The following WDR7 variants were observed in gnomAD, a reference collection of about 807,000 sequenced individuals.
The protein encoded by WDR7 is WD repeat-containing protein 7.
Under a neutral mutation model 169.4 loss-of-function variants are expected in WDR7, and 46 were observed. That is an observed-to-expected ratio of 0.27 (90% confidence interval 0.21 to 0.35). The LOEUF is 0.35. Ranked by LOEUF, WDR7 falls within the 10% of genes least tolerant of loss-of-function variation. The pLI is 1.00. For missense variants in WDR7, 1,534 were observed against 1,859.3 expected, an observed-to-expected ratio of 0.83 and a Z score of 3.22; for synonymous variants, 612 against 666.8, an observed-to-expected ratio of 0.92 and a Z score of 1.27.
chr18:56,868,163 G>A (rs543515557), intron 20 of WDR7, among the ~76,000 whole-genome samples: 1 of 152,122 alleles, frequency 6.6e-6, no homozygotes, highest in African/African-American at 2.4e-5. Context: ...AAAATAAGGT[G>A]ATCATTTTTC....
chr18:56,825,194 C>T (rs970671753), intron 20 of WDR7, among the ~76,000 whole-genome samples: 1 of 152,180 alleles, frequency 6.6e-6, no homozygotes, highest in African/African-American at 2.4e-5. Flanking sequence ...TCAACTGTTG[C>T]CTTGGCACCA....
chr18:56,889,600 A>T (rs1444323549), intron 21 of WDR7, among the ~76,000 whole-genome samples: 1 of 152,230 alleles, frequency 6.6e-6, no homozygotes, highest in Non-Finnish European at 1.5e-5. Flanking sequence ...TTGAGGGCAT[A>T]GGTTAAATTT....
chr18:56,955,199 A>G (rs938527683), intron 25 of WDR7, among the ~76,000 whole-genome samples: 2 of 152,148 alleles, frequency 1.3e-5, no homozygotes, highest in African/African-American at 4.8e-5. Flanking sequence ...ATAATTATAG[A>G]TGTTACTTCT....
chr18:56,776,118 C>T (rs1425141461), intron 16 of WDR7, among the ~76,000 whole-genome samples: 2 of 151,276 alleles, frequency 1.3e-5, no homozygotes, highest in Non-Finnish European at 2.9e-5. Flanking sequence ...TGAATTGGTA[C>T]CTCTATAAGA....
chr18:56,716,224 A>G (rs937534402), intron 12 of WDR7, among the ~76,000 whole-genome samples: 1 of 152,182 alleles, frequency 6.6e-6, no homozygotes, highest in Non-Finnish European at 1.5e-5. Context: ...ATCACATTTC[A>G]TGTTTCAACT....
intron 2 of WDR7, 111 bp from the exon 3 acceptor site, chr18:56,679,221 A>G (rs1173518426): frequency 5.0e-6 from 4 of 803,310 alleles, no homozygotes; most frequent in East Asian, 2.9e-5. Flanking sequence ...CTAGAATAAA[A>G]AATCTTAGCA....
intron 20 of WDR7, among the ~76,000 whole-genome samples, chr18:56,849,274 G>A (rs1306559624): frequency 6.6e-6 from 1 of 152,096 alleles, no homozygotes; most frequent in Non-Finnish European, 1.5e-5. Flanking sequence ...GACTAAATTA[G>A]GACTCCTTGG....
intron 21 of WDR7, among the ~76,000 whole-genome samples, chr18:56,903,261 A>T (rs1339682910): frequency 2.0e-5 from 3 of 152,122 alleles, no homozygotes; most frequent in African/African-American, 7.2e-5. Flanking sequence ...AATTCCATGA[A>T]TGAAGTTGTA....
At position 56,808,674 on chromosome 18, in the gene WDR7, T is replaced by C. The variant is rs2044817323; in HGVS notation, c.3191-7357T>C. On this transcript the variant is annotated intron_variant, in intron 19 of 27. Transcript: ENST00000254442. ...GACACTGTAGTCTTGTGAGTTCATGTTATTTATTATTACTCAGATATTGTT... is the reference window on the plus strand; with the variant it reads ...GACACTGTAGTCTTGTGAGTTCATGCTATTTATTATTACTCAGATATTGTT... Among the ~76,000 whole-genome samples, 4 of 152,092 alleles carry C rather than the reference T, an allele frequency of 2.6e-5. No homozygotes were observed. In the South Asian group the frequency reaches 8.3e-4, roughly 31 times the overall value.
intron 21 of WDR7, among the ~76,000 whole-genome samples, chr18:56,896,660 C>T (rs2046336254): frequency 6.6e-6 from 1 of 151,702 alleles, no homozygotes; most frequent in Non-Finnish European, 1.5e-5. Flanking sequence ...GAAATTGGAT[C>T]ACCTAATGCC....
At chr18:56,691,092 T>A in intron 7 of WDR7, 124 bp from the exon 8 acceptor site, 2 of 1,351,864 alleles carry the variant, frequency 1.5e-6, no homozygotes, top group Non-Finnish European at 2.0e-6. Flanking sequence ...ACTTTCTTTA[T>A]CTGATGCAGC....
chr18:56,681,778 A>G (rs1252052978), intron 4 of WDR7, among the ~76,000 whole-genome samples: 1 of 152,204 alleles, frequency 6.6e-6, no homozygotes, highest in Non-Finnish European at 1.5e-5. Flanking sequence ...TTTGGACCAT[A>G]TCTTTTTTAT....
In WDR7 at chr18:56,991,336, C is replaced by CG. The variant is rs756534728; in HGVS notation, c.4164+28810dup. Among the ~76,000 whole-genome samples, 704 of 152,038 alleles carry CG rather than the reference C, an allele frequency of 4.6e-3. 2 individuals carry two copies. The highest frequency in any genetic ancestry group is 7.6e-3 in the Non-Finnish European group (514 of 67,940). On this transcript the variant is annotated intron_variant, in intron 26 of 27. Transcript: ENST00000254442. ...TGATTTTTTGTATTTTTGGTAGAGA[C>CG]GGGTTTCACCGTGTTAGCCAGGATG...
intron 12 of WDR7, chr18:56,699,796 T>C (rs1209170125): frequency 1.0e-5 from 10 of 984,658 alleles, no homozygotes. Context: ...CTTAGGTAGA[T>C]AGTAAACAAA....
intron 19 of WDR7, among the ~76,000 whole-genome samples, chr18:56,793,986 G>A (rs1455707635): frequency 1.1e-4 from 17 of 152,104 alleles, no homozygotes; most frequent in Non-Finnish European, 2.9e-5. Context: ...TCGAGTTGCT[G>A]CATAGAGTTA....
intron 1 of WDR7, among the ~76,000 whole-genome samples, chr18:56,658,350 T>A (rs2024825083): frequency 6.6e-6 from 1 of 152,124 alleles, no homozygotes; most frequent in Non-Finnish European, 1.5e-5. Context: ...GTGATCTGCC[T>A]GCCTCGGCCT....
rs1316910501 is a variant in WDR7, at chr18:56,967,180, A to AATTG, written c.4164+4651_4164+4652insATTG. On this transcript the variant is annotated intron_variant, in intron 26 of 27. Coordinates refer to ENST00000254442, the MANE Select transcript of WDR7 (RefSeq NM_015285.3). ...CAGGAGTTCAGCCTGCTCAATAGGG[A>AATTG]GCGCTTGGGTGGAAAAGTTGAAGCA... Among the ~76,000 whole-genome samples the AATTG allele has an allele frequency of 5.0e-4, 76 of 151,726 alleles. 1 individual carries two copies. Among genetic ancestry groups the AATTG allele is most frequent in the African/African-American group, 1.7e-3 (71 of 41,094 alleles).
chr18:56,811,309 A>T (rs1270595382), intron 19 of WDR7, among the ~76,000 whole-genome samples: 3 of 151,920 alleles, frequency 2.0e-5, no homozygotes, highest in African/African-American at 7.3e-5. Context: ...TCACATGGTA[A>T]CTCTATGTTT....
chr18:56,684,108 A>G (rs1207793555), intron 5 of WDR7, among the ~76,000 whole-genome samples: 5 of 152,152 alleles, frequency 3.3e-5, no homozygotes, highest in Non-Finnish European at 7.3e-5. Flanking sequence ...AGTTTAGCAG[A>G]CCTGCGATCA....
Sources: gnomAD v4.1 joint callset for allele counts (sites outside exome capture counted in the v4.1 genomes callset) on GRCh38, gnomAD v4.1.1 for gene constraint, MANE v1.5 for transcripts, NCBI Gene and HGNC (gene_info 2026-07-23, HGNC 2026-07-21) for gene names.